ALDH3B2: variants seen among roughly 807,000 people sequenced by gnomAD.
ALDH3B2 encodes the protein aldehyde dehydrogenase family 3 member B2.
ALDH3B2 carries 45 observed loss-of-function variants against 36.7 expected under a neutral mutation model. The observed-to-expected ratio is 1.23, with a 90% confidence interval of 0.97 to 1.57. ALDH3B2 has a LOEUF of 1.57. Among genes scored for constraint, ALDH3B2 ranks in the 40% most tolerant of loss-of-function variants. The pLI is 0.00. For missense variants in ALDH3B2, 464 were observed against 513.3 expected, an observed-to-expected ratio of 0.90 and a Z score of 0.93; for synonymous variants, 217 against 226.5, an observed-to-expected ratio of 0.96 and a Z score of 0.38.
Position 67,666,103 on chromosome 11 carries a change from C to T in ALDH3B2, c.319+19G>A. ...TGATCCCCTCCACCTACTCTGGGAC[C>T]CTGGCCTGGCCCCCTCACCTGTGAA... On this transcript the variant is annotated intron_variant, in intron 6 of 9. Transcript: ENST00000349015. 6.2e-7 allele frequency: 1 copy of T among 1,613,650 alleles called. No individual in the cohort carries two copies. The highest frequency in any genetic ancestry group is 2.2e-5 in the East Asian group (1 of 44,880).
At chr11:67,664,862 G>A (rs1258935236) in intron 7 of ALDH3B2, among the ~76,000 whole-genome samples, 3 of 152,186 alleles carry the variant, frequency 2.0e-5, no homozygotes, top group East Asian at 1.9e-4. Flanking sequence ...AGGCAGCAGC[G>A]TCCCAGAATG....
exon 10 of ALDH3B2, chr11:67,662,892 A>C: frequency 8.5e-6 from 3 of 351,812 alleles, no homozygotes; most frequent in Non-Finnish European, 1.0e-5. Context: ...AGGGCACTGT[A>C]TTTTCCAGGG....
At chr11:67,664,941 C>T (rs1288485578) in intron 7 of ALDH3B2, among the ~76,000 whole-genome samples, 7 of 152,146 alleles carry the variant, frequency 4.6e-5, no homozygotes, top group Admixed American at 6.5e-5. Context: ...AGGATGGGGC[C>T]GTCAGAGTTT....
chr11:67,662,903 T>G, exon 10 of ALDH3B2: 3 of 384,236 alleles, frequency 7.8e-6, no homozygotes, highest in Non-Finnish European at 1.4e-5. Context: ...TTTTCCAGGG[T>G]GACACTGCCC....
upstream of ALDH3B2, among the ~76,000 whole-genome samples, chr11:67,676,570 C>A (rs999326811): frequency 1.3e-5 from 2 of 151,408 alleles, no homozygotes; most frequent in African/African-American, 4.9e-5. Flanking sequence ...AATCCAAACC[C>A]AAACCAAGCA....
At chr11:67,675,706 C>T (rs1414448766), upstream of ALDH3B2, among the ~76,000 whole-genome samples, 5 of 152,158 alleles carry the variant, frequency 3.3e-5, no homozygotes, top group South Asian at 2.1e-4. Context: ...GAAGGGACCT[C>T]GGGATGGGGA....
chr11:67,663,315 C>T (rs1396751445), exon 10 of ALDH3B2: 1 of 1,614,156 alleles, frequency 6.2e-7, no homozygotes, highest in African/African-American at 1.3e-5. Flanking sequence ...TTTCTCCAGG[C>T]CGGAGGGGGC....
chr11:67,674,509 C>T (rs943747693), exon 1 of ALDH3B2: 9 of 158,008 alleles, frequency 5.7e-5, no homozygotes, highest in Non-Finnish European at 8.3e-5. Flanking sequence ...CCTCCAGATG[C>T]GCAGGCTCTG....
intron 1 of ALDH3B2, among the ~76,000 whole-genome samples, chr11:67,672,817 C>G (rs1591148462): frequency 6.6e-6 from 1 of 152,222 alleles, no homozygotes; most frequent in East Asian, 1.9e-4. Context: ...TTTCAAACTC[C>G]TGTCCTCAAG....
chr11:67,675,883 C>T (rs982391916), upstream of ALDH3B2, among the ~76,000 whole-genome samples: 1 of 152,022 alleles, frequency 6.6e-6, no homozygotes, highest in Non-Finnish European at 1.5e-5. Flanking sequence ...TTTTGTTAAA[C>T]TGAACTGACA....
chr11:67,666,043 T>C, intron 6 of ALDH3B2, 79 bp downstream of exon 6: 2 of 1,512,532 alleles, frequency 1.3e-6, no homozygotes, highest in Non-Finnish European at 1.8e-6. Context: ...GGCCCCAGCC[T>C]CCTCCCTCCA....
intron 1 of ALDH3B2, among the ~76,000 whole-genome samples, chr11:67,668,159 A>T (rs1855972423): frequency 6.6e-6 from 1 of 152,156 alleles, no homozygotes; most frequent in Non-Finnish European, 1.5e-5. Flanking sequence ...AGATGGGGAA[A>T]CTGAAGCCAT....
chr11:67,663,895 T>C (rs1855823448), intron 8 of ALDH3B2, 134 bp from the exon 9 acceptor site: 1 of 708,912 alleles, frequency 1.4e-6, no homozygotes, highest in Non-Finnish European at 2.3e-6. Context: ...ATCTCCGCTC[T>C]AAGCATCTTC....
Position 67,667,640 on chromosome 11 carries a change from C to T in ALDH3B2, c.-244-5G>A, listed in dbSNP as rs566535215. The T allele has an allele frequency of 4.3e-5, 14 of 328,322 alleles. No homozygotes were observed. The highest frequency in any genetic ancestry group is 1.3e-4 in the South Asian group (1 of 7,878). 20.3% of individuals were successfully genotyped at this position (328,322 alleles called of 1,614,324 possible). A position where few individuals can be genotyped will look rare whatever the true frequency, so the allele number is the denominator to read the frequency against. ...GTGTCCTCGAAGGGGTCCATCCTGC[C>T]GGATGGGGTGGCTTGAACTGGGTGG... On this transcript the variant is annotated splice_polypyrimidine_tract_variant and splice_region_variant and intron_variant, in intron 1 of 9. Coordinates refer to ENST00000349015, the Ensembl canonical transcript of ALDH3B2.
chr11:67,668,147 G>A (rs186338719), intron 1 of ALDH3B2, among the ~76,000 whole-genome samples: 36 of 152,326 alleles, frequency 2.4e-4, no homozygotes, highest in African/African-American at 7.2e-4. Context: ...CTTTGAGGTC[G>A]CAGATGGGGA....
chr11:67,666,595 G>C, exon 4 of ALDH3B2: 2 of 1,614,088 alleles, frequency 1.2e-6, no homozygotes, highest in Non-Finnish European at 1.7e-6. Flanking sequence ...GCGCCCACCA[G>C]GAGCACCAGG....
exon 3 of ALDH3B2, chr11:67,666,962 A>T (rs772103224): frequency 5.6e-5 from 91 of 1,613,878 alleles, no homozygotes; most frequent in Non-Finnish European, 6.5e-5. Flanking sequence ...TTGAGAGCGT[A>T]GTCAACCTCG....
At chr11:67,679,717 AC>A (rs1380457045), upstream of ALDH3B2, among the ~76,000 whole-genome samples, 2 of 151,866 alleles carry the variant, frequency 1.3e-5, no homozygotes, top group Admixed American at 1.3e-4. Context: ...AAAAGTAAGA[AC>A]CTTTAAGTTA....
chr11:67,663,541 G>A, intron 9 of ALDH3B2, 121 bp downstream of exon 9: 1 of 1,353,048 alleles, frequency 7.4e-7, no homozygotes, highest in Non-Finnish European at 1.0e-6. Context: ...TACAGATAGG[G>A]AAACTGAGGC....
Sources: gnomAD v4.1 joint callset for allele counts (sites outside exome capture counted in the v4.1 genomes callset) on GRCh38, gnomAD v4.1.1 for gene constraint, MANE v1.5 for transcripts, NCBI Gene and HGNC (gene_info 2026-07-23, HGNC 2026-07-21) for gene names.